The following COL18A1 variants were observed in gnomAD, a reference collection of about 807,000 sequenced individuals.
COL18A1 encodes collagen type XVIII alpha 1 chain, also known as collagen alpha-1(XVIII) chain.
Under a neutral mutation model 168.0 loss-of-function variants are expected in COL18A1, and 133 were observed. The observed-to-expected ratio is 0.79, with a 90% CI of 0.69 to 0.91. The LOEUF is 0.91. Among genes scored for constraint, COL18A1 ranks in the 40% least tolerant of loss-of-function variants. The pLI, the probability that COL18A1 is intolerant of heterozygous loss-of-function variation, is 0.00. For missense variants in COL18A1, 2,126 were observed against 1,925.4 expected (o/e 1.10, Z -1.95); for synonymous variants, 949 against 809.0 (o/e 1.17, Z -2.94).
rs1193988407 is a variant in COL18A1 at position 45,478,157 on chromosome 21, C to G, written c.1222-170C>G. On this transcript the variant is annotated intron_variant, in intron 8 of 41. Transcript: ENST00000651438. ...GACGTGGGAGGCGGAGCTGCTCAGA[C>G]ACAGCCCTTGTGGGTGTGAGGAGGC... The G allele has an allele frequency of 4.5e-6, 4 of 889,230 alleles. No individual in the cohort carries two copies. The African/African-American group carries it at 6.6e-5, about 15-fold the overall frequency. 55.1% of individuals were successfully genotyped at this position (889,230 alleles called of 1,614,324 possible).
rs2035738367 is a variant in COL18A1 at position 45,477,932 on chromosome 21, G to A, written c.1188G>A (p.Gly396=). ...PGPQGPPGPP[G]RDGTPGRDGE... ...CACAAGGACCCCCAGGGCCTCCGGG[G>A]AGGGACGGCACCCCTGGAAGGGACG... The change falls in exon 8 of 42, where the codon GGG becomes GGA. Residue 396 remains glycine, a synonymous_variant. Transcript: ENST00000651438. 1 of 1,562,230 alleles carries A rather than the reference G, an allele frequency of 6.4e-7. No homozygotes were observed. Among genetic ancestry groups the A allele is most frequent in the Non-Finnish European group, 8.7e-7 (1 of 1,152,218 alleles).
At chr21:45,495,335 C>G (rs1230814875) in intron 28 of COL18A1, 23 bp from the exon 29 acceptor site, 21 of 1,591,356 alleles carry the variant, frequency 1.3e-5, no homozygotes, top group Admixed American at 1.7e-5. Flanking sequence ...CCAGCAGTCC[C>G]CACCCCCTGT....
intron 32 of COL18A1, among the ~76,000 whole-genome samples, chr21:45,500,481 G>GGT (rs1304075523): frequency 1.1e-3 from 64 of 60,492 alleles, no homozygotes; most frequent in African/African-American, 1.1e-3. Context: ...GGTGTGGTTT[G>GGT]GTGTGTTGCG....
intron 2 of COL18A1, among the ~76,000 whole-genome samples, chr21:45,412,709 G>A (rs2033334700): frequency 6.6e-6 from 1 of 152,262 alleles, no homozygotes; most frequent in Non-Finnish European, 1.5e-5. Context: ...TCTGCTGAGG[G>A]GCCGTGAGGG....
At chr21:45,461,535 C>T (rs2035048859) in intron 2 of COL18A1, among the ~76,000 whole-genome samples, 2 of 152,166 alleles carry the variant, frequency 1.3e-5, no homozygotes, top group Admixed American at 1.3e-4. Context: ...CAGGGCTCTT[C>T]CTTGTCCTGC....
chr21:45,429,131 G>A (rs777345961), intron 2 of COL18A1, among the ~76,000 whole-genome samples: 24 of 151,994 alleles, frequency 1.6e-4, no homozygotes, highest in African/African-American at 3.4e-4. Context: ...TCGATCTTCC[G>A]ACCTTGTGAT....
chr21:45,504,096 G>C, intron 33 of COL18A1, 42 bp downstream of exon 33: 1 of 1,602,634 alleles, frequency 6.2e-7, no homozygotes. Flanking sequence ...CCAAGGTCCT[G>C]TACATCCCGC....
chr21:45,413,999 G>A (rs2033372159), intron 2 of COL18A1, among the ~76,000 whole-genome samples: 1 of 152,228 alleles, frequency 6.6e-6, no homozygotes, highest in Non-Finnish European at 1.5e-5. Flanking sequence ...AAGCCCGTGT[G>A]CACCTGAACC....
chr21:45,449,966 A>G (rs1253494761), intron 2 of COL18A1, among the ~76,000 whole-genome samples: 1 of 152,238 alleles, frequency 6.6e-6, no homozygotes, highest in African/African-American at 2.4e-5. Flanking sequence ...GAGACTTCAG[A>G]CAATCATAAA....
At position 45,465,433 on chromosome 21, in the gene COL18A1, C is replaced by T. The variant is rs117141054; in HGVS notation, c.107-2809C>T. On this transcript the variant is annotated intron_variant, in intron 2 of 41. Coordinates refer to ENST00000651438, the MANE Select transcript of COL18A1 (RefSeq NM_001379500.1). ...TTTGGTGGAGGTGTTTGTTCTGAGG[C>T]CGTTTTTCTTTGATGCCAAGATGTC... is the stretch of plus-strand genomic sequence containing the variant. Among the ~76,000 whole-genome samples the T allele has an allele frequency of 9.8e-3, 1,489 of 152,226 alleles. 7 individuals carry two copies. The highest frequency in any genetic ancestry group is 0.015 in the Non-Finnish European group (1,017 of 68,014).
chr21:45,425,699 G>C lies in COL18A1; in HGVS notation c.106+20226G>C, dbSNP rs75600615. Reference sequence around the variant, plus strand: ...TTCGGGGCCTTTGGTCTCTGGACTTGGGCAGCAGAAAGGAAACATCCCTGG... The same window carrying C: ...TTCGGGGCCTTTGGTCTCTGGACTTCGGCAGCAGAAAGGAAACATCCCTGG... On this transcript the variant is annotated intron_variant, in intron 2 of 41. Coordinates refer to ENST00000651438, the MANE Select transcript of COL18A1 (RefSeq NM_001379500.1). The surrounding 1 kb of genome is among the most constrained non-coding windows in gnomAD (Gnocchi z 4.1). 0.016 allele frequency among the ~76,000 whole-genome samples: 2,365 copies of C among 152,220 alleles called. 57 individuals carry two copies. The highest frequency in any genetic ancestry group is 0.091 in the East Asian group (472 of 5,160).
At chr21:45,437,190 A>G (rs1178463918) in intron 2 of COL18A1, among the ~76,000 whole-genome samples, 1 of 80,350 alleles carries the variant, frequency 1.2e-5, no homozygotes, top group Non-Finnish European at 2.4e-5. Flanking sequence ...ACACTCACAC[A>G]GACACACAGG....
chr21:45,508,627 C>T (rs1381849240), intron 38 of COL18A1, among the ~76,000 whole-genome samples: 1 of 152,046 alleles, frequency 6.6e-6, no homozygotes, highest in Non-Finnish European at 1.5e-5. Context: ...TTAATTGGCT[C>T]AGGAGTGAGG....
chr21:45,451,397 T>G (rs2034619234), intron 2 of COL18A1, among the ~76,000 whole-genome samples: 1 of 152,124 alleles, frequency 6.6e-6, no homozygotes, highest in African/African-American at 2.4e-5. Flanking sequence ...GGCCCTCCTG[T>G]TGTCATAACT....
chr21:45,478,473 C>A, intron 9 of COL18A1, 120 bp downstream of exon 9: 1 of 1,345,978 alleles, frequency 7.4e-7, no homozygotes, highest in Non-Finnish European at 1.1e-6. Flanking sequence ...TACAGCAAAA[C>A]CATTTTGAAA....
intron 2 of COL18A1, among the ~76,000 whole-genome samples, chr21:45,437,184 TCACACAGA>T (rs1196034636): frequency 4.8e-5 from 2 of 41,602 alleles, no homozygotes; most frequent in Non-Finnish European, 8.2e-5. Flanking sequence ...GCACACACAC[TCACACAGA>T]CACACAGGCA....
At chr21:45,484,945 A>G (rs897234236) in intron 15 of COL18A1, among the ~76,000 whole-genome samples, 1 of 152,170 alleles carries the variant, frequency 6.6e-6, no homozygotes, top group Non-Finnish European at 1.5e-5. Flanking sequence ...GAACCCTACA[A>G]CCTAATTGTA....
chr21:45,411,181 G>T (rs1196624881), intron 2 of COL18A1, among the ~76,000 whole-genome samples: 1 of 152,194 alleles, frequency 6.6e-6, no homozygotes, highest in African/African-American at 2.4e-5. Context: ...AGCTGCCAGT[G>T]CAGGGTGTTA....
Position 45,509,429 on chromosome 21 carries a change from A to AC in COL18A1, c.3328dup (p.His1110ProfsTer11). ...AGCAACCCCTACCCGCGGCGGGAGCACCCCCACCCCACCGCGCGGCCCTGG... is the reference window on the plus strand; with the variant it reads ...AGCAACCCCTACCCGCGGCGGGAGCACCCCCCACCCCACCGCGCGGCCCTGG... On this transcript the variant is annotated frameshift_variant, in exon 39 of 42. Transcript: ENST00000651438. LOFTEE classifies it high-confidence loss of function. 1.3e-6 allele frequency: 2 copies of AC among 1,533,376 alleles called. No individual in the cohort carries two copies. The highest frequency in any genetic ancestry group is 1.8e-6 in the Non-Finnish European group (2 of 1,140,758). The allele number at this position is 1,533,376 out of a possible 1,614,324, so 95.0% of individuals were successfully genotyped here. A position where few individuals can be genotyped will look rare whatever the true frequency, so the allele number is the denominator to read the frequency against.
Sources: allele counts gnomAD v4.1 joint callset (sites outside exome capture counted in the v4.1 genomes callset), GRCh38; gene constraint gnomAD v4.1.1; non-coding constraint Gnocchi (gnomAD v3.1); transcripts MANE v1.5; gene names NCBI Gene and HGNC (gene_info 2026-07-23, HGNC 2026-07-21).